ASTN2: variants seen among roughly 807,000 people sequenced by gnomAD.
ASTN2 encodes astrotactin 2, also known as astrotactin-2.
Under a neutral mutation model 139.8 loss-of-function variants are expected in ASTN2, and 54 were observed. The ratio of observed to expected loss-of-function variants is 0.39; its 90% CI spans 0.31 to 0.48. ASTN2 has a LOEUF of 0.48. Among genes scored for constraint, ASTN2 ranks in the 20% least tolerant of loss-of-function variants. ASTN2 has a pLI of 0.95. For synonymous variants in ASTN2, 756 were observed against 719.5 expected, an observed-to-expected ratio of 1.05 and a Z score of -0.81; for missense variants, 1,565 against 1,725.1, an observed-to-expected ratio of 0.91 and a Z score of 1.64.
chr9:117,358,272 AC>A (rs1829597884), intron 1 of ASTN2, among the ~76,000 whole-genome samples: 1 of 151,240 alleles, frequency 6.6e-6, no homozygotes, highest in Non-Finnish European at 1.5e-5. Flanking sequence ...ACACACACAC[AC>A]ACACACACAC....
chr9:116,715,438 A>G (rs189252832), intron 16 of ASTN2, among the ~76,000 whole-genome samples: 2 of 152,214 alleles, frequency 1.3e-5, no homozygotes, highest in Non-Finnish European at 2.9e-5. Flanking sequence ...CTAGCTTTGC[A>G]TTGTTGTCTC....
chr9:117,159,123 C>A (rs1414661548), intron 3 of ASTN2, among the ~76,000 whole-genome samples: 4 of 151,924 alleles, frequency 2.6e-5, no homozygotes, highest in Admixed American at 2.6e-4. Context: ...AGTGCTTCCA[C>A]TTTTTTATTA....
intron 3 of ASTN2, among the ~76,000 whole-genome samples, chr9:117,179,038 C>T (rs191225489): frequency 6.6e-6 from 1 of 152,168 alleles, no homozygotes; most frequent in Admixed American, 6.5e-5. Context: ...ACAGAGATAA[C>T]GTACGTGCAC....
rs756780167 is a variant in ASTN2 at position 116,425,198 on chromosome 9, C to A, written c.*653G>T. On this transcript the variant is annotated 3_prime_UTR_variant, in exon 23 of 23. Coordinates refer to ENST00000313400, the MANE Select transcript of ASTN2 (RefSeq NM_001365068.1). ...AAACAGAGGTCTCTCAAGCACATTC[C>A]CTTGGTAAGAAATACCACCCAAGCA... 1.5e-5 allele frequency: 4 copies of A among 260,760 alleles called. No individual in the cohort carries two copies. Among genetic ancestry groups the A allele is most frequent in the Non-Finnish European group, 2.9e-5 (4 of 138,202 alleles). The allele number at this position is 260,760 out of a possible 1,614,324, so 16.2% of individuals were successfully genotyped here.
In ASTN2 at chr9:116,964,265, G is replaced by GCGCGCA. The variant is rs138836463; in HGVS notation, c.1889+10942_1889+10943insTGCGCG. 8.1e-3 allele frequency among the ~76,000 whole-genome samples: 1,221 copies of GCGCGCA among 149,874 alleles called. 16 individuals are homozygous for GCGCGCA. Among genetic ancestry groups the GCGCGCA allele is most frequent in the Non-Finnish European group, 0.011 (758 of 67,280 alleles). On this transcript the variant is annotated intron_variant, in intron 10 of 22. Coordinates refer to ENST00000313400, the MANE Select transcript of ASTN2 (RefSeq NM_001365068.1). Reference sequence around the variant, plus strand: ...TGTGTGTGTGTGTGTGTGCGCGCGCGCGCGTGTGTGTTGACTACTGGGTGG... The same window carrying GCGCGCA: ...TGTGTGTGTGTGTGTGTGCGCGCGCGCGCGCACGCGTGTGTGTTGACTACTGGGTGG...
intron 6 of ASTN2, among the ~76,000 whole-genome samples, chr9:117,028,552 T>C (rs1318403618): frequency 6.6e-6 from 1 of 152,110 alleles, no homozygotes; most frequent in African/African-American, 2.4e-5. Context: ...CAGCTGGGGC[T>C]GAGAGGGGAA....
intron 7 of ASTN2, among the ~76,000 whole-genome samples, chr9:116,983,695 C>T (rs1045786855): frequency 1.3e-5 from 2 of 152,176 alleles, no homozygotes; most frequent in South Asian, 2.1e-4. Context: ...TGGCATATGA[C>T]TTGCTTTGAT....
intron 1 of ASTN2, among the ~76,000 whole-genome samples, chr9:117,397,053 T>C (rs1433159226): frequency 6.6e-6 from 1 of 151,094 alleles, no homozygotes; most frequent in Non-Finnish European, 1.5e-5. Context: ...GCAATTCTCC[T>C]GCTTCAGCCT....
intron 19 of ASTN2, among the ~76,000 whole-genome samples, chr9:116,514,598 C>G (rs1230479222): frequency 6.6e-6 from 1 of 152,196 alleles, no homozygotes. Context: ...GCCCTGCCCC[C>G]AGAGGTGGAG....
intron 10 of ASTN2, among the ~76,000 whole-genome samples, chr9:116,886,579 C>T (rs1047044041): frequency 1.2e-4 from 19 of 152,182 alleles, no homozygotes; most frequent in African/African-American, 4.6e-4. Context: ...GTTGTCCAGG[C>T]TGGTCTTGAA....
At chr9:116,517,880 T>G (rs1162490956) in intron 19 of ASTN2, among the ~76,000 whole-genome samples, 1 of 152,112 alleles carries the variant, frequency 6.6e-6, no homozygotes, top group Non-Finnish European at 1.5e-5. Flanking sequence ...GTCTCAGCAA[T>G]GGAACTGAAC....
intron 12 of ASTN2, among the ~76,000 whole-genome samples, chr9:116,810,726 TC>T (rs1831141771): frequency 6.6e-6 from 1 of 152,192 alleles, no homozygotes; most frequent in Non-Finnish European, 1.5e-5. Context: ...TAAAAAACTA[TC>T]CTTTTTTGTT....
chr9:116,771,362 T>C (rs937409817), intron 13 of ASTN2, among the ~76,000 whole-genome samples: 3 of 152,204 alleles, frequency 2.0e-5, no homozygotes, highest in African/African-American at 7.2e-5. Context: ...GTCTATCTCA[T>C]AGGTTTGTTG....
At chr9:117,346,771 T>G (rs1829233111) in intron 1 of ASTN2, among the ~76,000 whole-genome samples, 1 of 152,120 alleles carries the variant, frequency 6.6e-6, no homozygotes, top group Non-Finnish European at 1.5e-5. Flanking sequence ...ACATGGGTAT[T>G]AAAATCATAC....
chr9:116,539,384 GGA>G (rs200635699), intron 19 of ASTN2, among the ~76,000 whole-genome samples: 23 of 99,648 alleles, frequency 2.3e-4, no homozygotes, highest in African/African-American at 7.3e-4. Context: ...TATGAGGGAG[GGA>G]AAAAAAAAAG....
intron 10 of ASTN2, among the ~76,000 whole-genome samples, chr9:116,903,701 G>T (rs528590435): frequency 1.6e-4 from 25 of 152,308 alleles, no homozygotes; most frequent in African/African-American, 5.5e-4. Context: ...AGATGATATA[G>T]GGAAAGAGCT....
chr9:116,461,471 C>G (rs1253286052), intron 20 of ASTN2, among the ~76,000 whole-genome samples: 1 of 152,074 alleles, frequency 6.6e-6, no homozygotes, highest in Non-Finnish European at 1.5e-5. Context: ...TATGTACACA[C>G]ATGCACACAC....
intron 16 of ASTN2, among the ~76,000 whole-genome samples, chr9:116,659,679 A>G (rs1564188670): frequency 6.6e-6 from 1 of 152,066 alleles, no homozygotes; most frequent in Non-Finnish European, 1.5e-5. Context: ...TCCCACCCCC[A>G]GGTAATGCCC....
intron 19 of ASTN2, among the ~76,000 whole-genome samples, chr9:116,567,446 G>A (rs1853292246): frequency 6.6e-6 from 1 of 152,218 alleles, no homozygotes; most frequent in Non-Finnish European, 1.5e-5. Flanking sequence ...GGAAGTCTCT[G>A]TCCAGTCAGT....
Sources: allele counts gnomAD v4.1 joint callset (sites outside exome capture counted in the v4.1 genomes callset), GRCh38; gene constraint gnomAD v4.1.1; transcripts MANE v1.5; gene names NCBI Gene and HGNC (gene_info 2026-07-23, HGNC 2026-07-21).